The following UNC79 variants were observed in gnomAD, a reference collection of about 807,000 sequenced individuals.
The protein encoded by UNC79 is unc-79 subunit of NALCN channel complex, also known as protein unc-79 homolog.
Under a neutral mutation model 283.1 loss-of-function variants are expected in UNC79, and 37 were observed. That is an observed-to-expected ratio of 0.13 (90% CI 0.10 to 0.17). The LOEUF (loss-of-function observed/expected upper bound fraction) is 0.17, where lower values mean the gene tolerates loss of function less well. Among genes scored for constraint, UNC79 ranks in the 10% least tolerant of loss-of-function variants. The pLI is 1.00. For missense variants in UNC79, 2,272 were observed against 3,211.1 expected, an observed-to-expected ratio of 0.71 and a Z score of 7.07; for synonymous variants, 1,107 against 1,200.2, an observed-to-expected ratio of 0.92 and a Z score of 1.61.
Position 93,660,575 on chromosome 14 carries a change from G to A in UNC79, c.6525+1314G>A, listed in dbSNP as rs867402135. 7.4e-3 allele frequency among the ~76,000 whole-genome samples: 866 copies of A among 117,654 alleles called. 1 individual carries two copies. The highest frequency in any genetic ancestry group is 0.012 in the African/African-American group (313 of 26,030). 77.2% of individuals were successfully genotyped at this position (117,654 alleles called of 152,430 possible). ...TATATATATATATATGTGTGTGTGT[G>A]TGTGTTCATTTTATTTTATTTTATT... On this transcript the variant is annotated intron_variant, in intron 39 of 48. Coordinates refer to ENST00000555664, the Ensembl canonical transcript of UNC79.
At chr14:93,599,215 C>T (rs555156117) in intron 24 of UNC79, among the ~76,000 whole-genome samples, 9 of 152,330 alleles carry the variant, frequency 5.9e-5, no homozygotes, top group African/African-American at 2.2e-4. Context: ...TTAATCCTCA[C>T]AGTTACCTTT....
At chr14:93,687,168 G>C (rs1307487973) in intron 43 of UNC79, among the ~76,000 whole-genome samples, 1 of 152,160 alleles carries the variant, frequency 6.6e-6, no homozygotes, top group Admixed American at 6.5e-5. Flanking sequence ...AATAATGTAC[G>C]TGAAGAGACT....
chr14:93,636,625 C>T (rs2068528388), intron 31 of UNC79, among the ~76,000 whole-genome samples: 1 of 152,156 alleles, frequency 6.6e-6, no homozygotes, highest in African/African-American at 2.4e-5. Context: ...CTTCTCCACC[C>T]ATGCATATGA....
At chr14:93,577,619 G>C (rs1277135996) in intron 17 of UNC79, among the ~76,000 whole-genome samples, 1 of 152,202 alleles carries the variant, frequency 6.6e-6, no homozygotes, top group Non-Finnish European at 1.5e-5. Flanking sequence ...TCATTCTTCA[G>C]GGTGTTGATG....
chr14:93,649,671 C>G (rs1285072829), intron 35 of UNC79, among the ~76,000 whole-genome samples: 2 of 151,970 alleles, frequency 1.3e-5, no homozygotes, highest in African/African-American at 4.8e-5. Flanking sequence ...GAAATGATTA[C>G]CACAATCAAG....
intron 1 of UNC79, among the ~76,000 whole-genome samples, 196 bp from the exon 2 acceptor site, chr14:93,467,475 T>G (rs1426795710): frequency 2.0e-5 from 3 of 151,504 alleles, no homozygotes; most frequent in African/African-American, 7.3e-5. Context: ...AAATTAAAAG[T>G]TTTTTTGTAA....
chr14:93,474,155 G>A lies in UNC79; in HGVS notation c.210G>A (p.Met70Ile). 1.3e-6 allele frequency: 2 copies of A among 1,536,052 alleles called. No individual in the cohort carries two copies. The highest frequency in any genetic ancestry group is 1.7e-6 in the Non-Finnish European group (2 of 1,146,854). The change falls in exon 3 of 49, where the codon ATG (methionine) becomes ATA (isoleucine). Residue 70 changes from methionine to isoleucine, a missense_variant. By Grantham distance (10) the Met-to-Ile change is conservative (BLOSUM62 1). Around this residue, in one of 11 missense-constraint regions of UNC79, gnomAD observed 194 missense variants for 268.9 expected, o/e 0.72. Transcript: ENST00000555664. This position sits in a 1 kb window ranked among gnomAD's most constrained non-coding sequence, Gnocchi z 4.1. ...CCAATTTGACAGTGCCCATGACCAT[G>A]TGTCTTTTTCCTGTGCCATTCCCAC...
At chr14:93,439,224 G>A (rs2056204001) in intron 1 of UNC79, among the ~76,000 whole-genome samples, 1 of 151,840 alleles carries the variant, frequency 6.6e-6, no homozygotes, top group Non-Finnish European at 1.5e-5. Context: ...TGATTGCATT[G>A]GTCAGTATCT....
chr14:93,360,603 A>G (rs746084392), intron 1 of UNC79, among the ~76,000 whole-genome samples: 13 of 152,154 alleles, frequency 8.5e-5, no homozygotes, highest in Non-Finnish European at 1.6e-4. Context: ...TGCCTTCACT[A>G]CCTCAGGGGT....
chr14:93,450,858 G>A (rs564153990), intron 1 of UNC79, among the ~76,000 whole-genome samples: 2 of 152,036 alleles, frequency 1.3e-5, no homozygotes, highest in South Asian at 2.1e-4. Context: ...AACTCTTTTG[G>A]TTTTGCTATT....
chr14:93,404,511 T>TATATATATATATATAAATATATATATAA (rs1342806157), intron 1 of UNC79, among the ~76,000 whole-genome samples: 1 of 117,196 alleles, frequency 8.5e-6, no homozygotes, highest in African/African-American at 3.1e-5. Context: ...TATATATATA[T>TATATATATATATATAAATATATATATAA]ATAAATATAT....
At chr14:93,576,348 G>T (rs1350031664) in intron 17 of UNC79, among the ~76,000 whole-genome samples, 1 of 151,932 alleles carries the variant, frequency 6.6e-6, no homozygotes, top group Non-Finnish European at 1.5e-5. Flanking sequence ...TAGGTGATAG[G>T]TTCAATCATA....
At chr14:93,572,563 C>T (rs2063266664) in intron 15 of UNC79, 130 bp from the exon 16 acceptor site, 2 of 1,298,466 alleles carry the variant, frequency 1.5e-6, no homozygotes, top group Middle Eastern at 3.8e-4. Flanking sequence ...ATGCTGATAA[C>T]AGTTCAGAAT....
chr14:93,353,849 AG>A (rs2054027191), intron 1 of UNC79, among the ~76,000 whole-genome samples: 1 of 151,734 alleles, frequency 6.6e-6, no homozygotes, highest in Non-Finnish European at 1.5e-5. Context: ...CTTGCTCTAG[AG>A]GAGGAGATAG....
intron 26 of UNC79, among the ~76,000 whole-genome samples, chr14:93,610,097 C>T (rs552171086): frequency 6.6e-6 from 1 of 152,238 alleles, no homozygotes; most frequent in East Asian, 1.9e-4. Flanking sequence ...CTCAGGGTTG[C>T]ACATTGTTTA....
At chr14:93,640,075 T>G (rs1165311048) in intron 32 of UNC79, among the ~76,000 whole-genome samples, 1 of 152,196 alleles carries the variant, frequency 6.6e-6, no homozygotes, top group Non-Finnish European at 1.5e-5. Context: ...GATGATCCCT[T>G]TGAGATTCTT....
intron 1 of UNC79, among the ~76,000 whole-genome samples, chr14:93,377,038 A>C (rs1448947939): frequency 6.7e-6 from 1 of 150,334 alleles, no homozygotes; most frequent in East Asian, 1.9e-4. Flanking sequence ...ATTTAGCTGC[A>C]CCCGAAGCAG....
intron 1 of UNC79, among the ~76,000 whole-genome samples, chr14:93,461,626 G>A (rs565532050): frequency 2.6e-4 from 39 of 152,134 alleles, no homozygotes; most frequent in African/African-American, 9.2e-4. Flanking sequence ...ATCCTTACTA[G>A]GAACTCAGCA....
At chr14:93,572,040 A>G (rs752161002) in exon 15 of UNC79, 6 of 1,614,090 alleles carry the variant, frequency 3.7e-6, no homozygotes, top group Non-Finnish European at 5.1e-6. Context: ...CCATCAGAAC[A>G]GAAGTCCCAG....
Sources: gnomAD v4.1 joint callset for allele counts (sites outside exome capture counted in the v4.1 genomes callset) on GRCh38, gnomAD v4.1.1 for gene constraint, gnomAD v4.1.1 regional missense constraint, Gnocchi (gnomAD v3.1) non-coding constraint, MANE v1.5 for transcripts, NCBI Gene and HGNC (gene_info 2026-07-23, HGNC 2026-07-21) for gene names.